The following PPL variants were observed in gnomAD, a reference collection of about 807,000 sequenced individuals.
The protein encoded by PPL is 190 kDa paraneoplastic pemphigus antigen.
Under a neutral mutation model 194.4 loss-of-function variants are expected in PPL, and 198 were observed. The observed-to-expected ratio is 1.02, with a 90% CI of 0.91 to 1.15. The LOEUF (loss-of-function observed/expected upper bound fraction) is 1.15, where lower values mean the gene tolerates loss of function less well. Ranked by LOEUF, PPL falls within the 50% of genes most tolerant of loss-of-function variation. The pLI, the probability that PPL is intolerant of heterozygous loss-of-function variation, is 0.00. For synonymous variants in PPL, 1,220 were observed against 972.4 expected, an observed-to-expected ratio of 1.25 and a Z score of -4.74; for missense variants, 2,885 against 2,294.8, an observed-to-expected ratio of 1.26 and a Z score of -5.25.
intron 1 of PPL, among the ~76,000 whole-genome samples, chr16:4,912,960 T>C (rs559382463): frequency 4.9e-4 from 74 of 151,852 alleles, no homozygotes; most frequent in Admixed American, 1.2e-3. Flanking sequence ...AAAAATTAGC[T>C]AGGTGTGGTG....
chr16:4,891,887 T>A lies in PPL; in HGVS notation c.1892A>T (p.His631Leu). 6.2e-7 allele frequency: 1 copy of A among 1,613,570 alleles called. No homozygotes were observed. The highest frequency in any genetic ancestry group is 8.5e-7 in the Non-Finnish European group (1 of 1,180,012). Residue 631 changes from histidine to leucine, a missense_variant, in exon 16 of 22, where the codon CAC becomes CTC. Physicochemically the swap from His to Leu is moderately conservative, Grantham distance 99. Coordinates refer to ENST00000345988, the MANE Select transcript of PPL (RefSeq NM_002705.5). ...GTCATCCTGATTCAGATGGTTCTCG[T>A]GTGTGGCCAGCAACTCCCAGCTCTG... Reference protein sequence around the residue: ...LQQSWELLATHENHLNQDDTV... With the variant: ...LQQSWELLATLENHLNQDDTV...
chr16:4,893,784 C>T (rs2088366389), intron 12 of PPL, 146 bp from the exon 13 acceptor site: 1 of 634,060 alleles, frequency 1.6e-6, no homozygotes, highest in Non-Finnish European at 2.7e-6. Flanking sequence ...CACTGTGGCA[C>T]TGGCCTTTCT....
At chr16:4,913,799 G>A (rs1454234769) in intron 1 of PPL, among the ~76,000 whole-genome samples, 1 of 152,242 alleles carries the variant, frequency 6.6e-6, no homozygotes. Flanking sequence ...TGTCTCCACT[G>A]AAGACCCACA....
chr16:4,910,762 G>T, intron 2 of PPL, 88 bp downstream of exon 2: 1 of 1,179,598 alleles, frequency 8.5e-7, no homozygotes, highest in East Asian at 2.3e-5. Flanking sequence ...ACCCCTGGGT[G>T]AGAATCACCG....
intron 1 of PPL, among the ~76,000 whole-genome samples, chr16:4,925,804 C>T (rs2089144959): frequency 6.6e-6 from 1 of 152,138 alleles, no homozygotes; most frequent in Non-Finnish European, 1.5e-5. Context: ...ACAAAGGGGA[C>T]ATCAGTATCA....
intron 2 of PPL, 48 bp from the exon 3 acceptor site, chr16:4,904,088 G>C: frequency 6.4e-7 from 1 of 1,574,260 alleles, no homozygotes; most frequent in Non-Finnish European, 8.6e-7. Flanking sequence ...CCGAGAGCGG[G>C]CACGGTGGCA....
Position 4,884,063 on chromosome 16 carries a change from C to A in PPL, c.4592G>T (p.Arg1531Leu), listed in dbSNP as rs147379842. 1 of 1,613,238 alleles carries A rather than the reference C, an allele frequency of 6.2e-7. No individual in the cohort carries two copies. The highest frequency in any genetic ancestry group is 8.5e-7 in the Non-Finnish European group (1 of 1,180,010). Residue 1531 changes from arginine (R) to leucine (L), a missense_variant, in exon 22 of 22, where the codon CGC (arginine) becomes CTC (leucine). Arg to Leu is a moderately radical substitution (Grantham distance 102). Transcript: ENST00000345988. This position sits in a 1 kb window ranked among gnomAD's most constrained non-coding sequence, Gnocchi z 5.7. The stretch of plus-strand genomic sequence containing the variant: ...CCGGCTCACCTCGACGTCCAGCTCG[C>A]GCTTGCTGCGGCTCTCCTCCTCCAG... Reference protein sequence around the residue: ...SSLEEESRSKRELDVEVSRLE... With the variant: ...SSLEEESRSKLELDVEVSRLE...
At chr16:4,900,362 C>T (rs991378642) in intron 6 of PPL, among the ~76,000 whole-genome samples, 1 of 149,714 alleles carries the variant, frequency 6.7e-6, no homozygotes, top group Non-Finnish European at 1.5e-5. Context: ...ACCTTGCAGC[C>T]GCTCAGGAAA....
chr16:4,900,455 TTA>T lies in PPL; in HGVS notation c.606+373_606+374del, dbSNP rs1555520866. Among the ~76,000 whole-genome samples the T allele has an allele frequency of 1.2e-3, 160 of 129,198 alleles. 11 individuals carry two copies. The highest frequency in any genetic ancestry group is 4.0e-3 in the African/African-American group (132 of 33,360). 84.8% of individuals were successfully genotyped at this position (129,198 alleles called of 152,430 possible). A position where few individuals can be genotyped will look rare whatever the true frequency, so the allele number is the denominator to read the frequency against. ...ACGCCTTTTTTTTTTTTTTTTTTTTTTAAAGGCAGGGTTTTGCTCTGTTTCCC... is the reference window on the plus strand; with the variant it reads ...ACGCCTTTTTTTTTTTTTTTTTTTTTAAGGCAGGGTTTTGCTCTGTTTCCC... On this transcript the variant is annotated intron_variant, in intron 6 of 21. Transcript: ENST00000345988.
At position 4,899,237 on chromosome 16, in the gene PPL, G is replaced by A. The variant is rs772449350; in HGVS notation, c.754C>T (p.Arg252Trp). The change falls in exon 7 of 22, where the codon CGG becomes TGG. Residue 252 changes from arginine (R) to tryptophan (W), a missense_variant. Physicochemically the swap from Arg to Trp is moderately radical, Grantham distance 101. Transcript: ENST00000345988. ...CCAGAACCCACCTCATACTGGCGCC[G>A]GCGGCTGGGGTAGTCGAGGTTGCGG... ...SDRNLDYPSRRRQYENFINRN... is the reference protein window; with the variant it reads ...SDRNLDYPSRWRQYENFINRN... 79 of 1,613,758 alleles carry A rather than the reference G, an allele frequency of 4.9e-5. No individual in the cohort carries two copies. The East Asian group carries it at 1.4e-3, about 29-fold the overall frequency.
chr16:4,897,354 AAAG>A (rs1391415722), intron 9 of PPL, among the ~76,000 whole-genome samples: 1 of 151,542 alleles, frequency 6.6e-6, no homozygotes, highest in Non-Finnish European at 1.5e-5. Flanking sequence ...AAAAAAAAAA[AAAG>A]GCAAATTTTG....
chr16:4,892,982 C>G, intron 14 of PPL: 1 of 491,176 alleles, frequency 2.0e-6, no homozygotes, highest in Non-Finnish European at 3.4e-6. Flanking sequence ...GTCAGATCGA[C>G]AAGCCGTGCA....
chr16:4,895,696 G>A lies in PPL; in HGVS notation c.993C>T (p.Asp331=), dbSNP rs781526306. 30 of 1,613,816 alleles carry A rather than the reference G, an allele frequency of 1.9e-5. No individual in the cohort carries two copies. The Admixed American group carries it at 3.7e-4, about 20-fold the overall frequency. Reference sequence around the variant, plus strand: ...CCACCTTGCGCAGCAGCTCCTGAGCGTCCTTCACGTCTTCGTGAAACTAGG... The same window carrying A: ...CCACCTTGCGCAGCAGCTCCTGAGCATCCTTCACGTCTTCGTGAAACTAGG... ...DYHQFHEDVK[D]AQELLRKVDS... is the part of the protein sequence containing the mutation. Residue 331 remains aspartate, a synonymous_variant, in exon 10 of 22, where the codon GAC becomes GAT. Transcript: ENST00000345988.
At chr16:4,910,454 C>T (rs145525185) in intron 2 of PPL, among the ~76,000 whole-genome samples, 13 of 152,274 alleles carry the variant, frequency 8.5e-5, no homozygotes, top group African/African-American at 2.6e-4. Flanking sequence ...CCAGCAAGGA[C>T]AAGGCTGGGC....
chr16:4,912,300 C>T (rs1054470068), intron 1 of PPL, among the ~76,000 whole-genome samples: 3 of 152,250 alleles, frequency 2.0e-5, no homozygotes, highest in Non-Finnish European at 4.4e-5. Context: ...AATAGAATCA[C>T]ACAACACGTG....
chr16:4,931,007 G>C (rs1171067525), intron 1 of PPL, among the ~76,000 whole-genome samples: 2 of 152,220 alleles, frequency 1.3e-5, no homozygotes, highest in African/African-American at 4.8e-5. Flanking sequence ...AAGGAACAGT[G>C]AAGAGGGACT....
At chr16:4,897,206 G>A (rs1164981313) in intron 9 of PPL, among the ~76,000 whole-genome samples, 1 of 151,224 alleles carries the variant, frequency 6.6e-6, no homozygotes, top group Non-Finnish European at 1.5e-5. Context: ...GTGGTGGTGG[G>A]CACTTGTAAT....
Position 4,899,253 on chromosome 16 carries a change from G to A in PPL, c.738C>T (p.Leu246=), listed in dbSNP as rs1568012339. The part of the protein sequence containing the change: ...RMQYDWSDRN[L]DYPSRRRQYE... ...ACTGGCGCCGGCGGCTGGGGTAGTC[G>A]AGGTTGCGGTCACTCCAGTCGTACT... Residue 246 remains leucine (L), a synonymous_variant, in exon 7 of 22, where the codon CTC becomes CTT. Coordinates refer to ENST00000345988, the MANE Select transcript of PPL (RefSeq NM_002705.5). The A allele has an allele frequency of 5.6e-6, 9 of 1,613,886 alleles. No homozygotes were observed. Among genetic ancestry groups the A allele is most frequent in the East Asian group, 4.5e-5 (2 of 44,874 alleles).
At position 4,892,042 on chromosome 16, in the gene PPL, G is replaced by A; in HGVS notation, c.1822C>T (p.Gln608Ter). 3 of 1,613,280 alleles carry A rather than the reference G, an allele frequency of 1.9e-6. No individual in the cohort carries two copies. In the Middle Eastern group the frequency reaches 5.0e-4, roughly 266 times the overall value. ...EHLLQLLDLAQEKVDVANRLE... is the reference protein window; with the variant it reads ...EHLLQLLDLA ...TGCCTGTCTGCCACCCACTTCTCCT[G>A]GGCCAAGTCCAGCAGCTGCAGGAGG... is the stretch of plus-strand genomic sequence containing the variant. The change falls in exon 15 of 22, where the codon CAG (glutamine) becomes TAG (stop). Residue 608 changes from glutamine to a stop codon, truncating the protein, a stop_gained. Coordinates refer to ENST00000345988, the MANE Select transcript of PPL (RefSeq NM_002705.5). LOFTEE classifies it high-confidence loss of function.
Sources: gnomAD v4.1 joint callset for allele counts (sites outside exome capture counted in the v4.1 genomes callset) on GRCh38, gnomAD v4.1.1 for gene constraint, Gnocchi (gnomAD v3.1) non-coding constraint, MANE v1.5 for transcripts, NCBI Gene and HGNC (gene_info 2026-07-23, HGNC 2026-07-21) for gene names.